The following CAST variants were observed in gnomAD, a reference collection of about 807,000 sequenced individuals.
CAST encodes the protein calpastatin.
CAST carries 76 observed loss-of-function variants against 119.6 expected under a neutral mutation model. The ratio of observed to expected loss-of-function variants is 0.64; its 90% CI spans 0.53 to 0.77. The LOEUF (loss-of-function observed/expected upper bound fraction) is 0.77, where lower values mean the gene tolerates loss of function less well. Among genes scored for constraint, CAST ranks in the 30% least tolerant of loss-of-function variants. CAST has a pLI of 0.00. For synonymous variants in CAST, 319 were observed against 331.6 expected, an observed-to-expected ratio of 0.96 and a Z score of 0.41; for missense variants, 953 against 946.5, an observed-to-expected ratio of 1.01 and a Z score of -0.09.
At chr5:96,387,022 C>A in the CAST span, among the ~76,000 whole-genome samples, 5 of 152,262 alleles carry the variant, frequency 3.3e-5, no homozygotes, top group Non-Finnish European at 5.9e-5. Flanking sequence ...TACTTCTCTG[C>A]ATTATCTTAT....
At chr5:96,570,713 T>G (rs1746553086) in intron 1 of CAST, among the ~76,000 whole-genome samples, 1 of 152,212 alleles carries the variant, frequency 6.6e-6, no homozygotes, top group Non-Finnish European at 1.5e-5. Flanking sequence ...TTAAATTAGT[T>G]TTTACTACTT....
At chr5:96,225,956 T>C in the CAST span, among the ~76,000 whole-genome samples, 1 of 152,264 alleles carries the variant, frequency 6.6e-6, no homozygotes, top group Non-Finnish European at 1.5e-5. Flanking sequence ...CACCAGTTAC[T>C]GCACTATGTA....
chr5:96,560,995 A>G (rs1020467977), intron 1 of CAST, among the ~76,000 whole-genome samples: 10 of 152,256 alleles, frequency 6.6e-5, no homozygotes, highest in Admixed American at 2.6e-4. Flanking sequence ...AATGTGGCAC[A>G]TATACACCAT....
the CAST span, chr5:96,210,029 A>G: frequency 4.7e-5 from 7 of 150,456 alleles, no homozygotes; most frequent in Non-Finnish European, 8.9e-5. Context: ...TTTCATTAAG[A>G]TATTGTCTTT....
chr5:96,344,555 G>A, the CAST span, among the ~76,000 whole-genome samples: 2 of 152,164 alleles, frequency 1.3e-5, no homozygotes, highest in African/African-American at 4.8e-5. Flanking sequence ...AGCAGGCTGA[G>A]TAAATATTCT....
chr5:96,727,463 TTTTC>T lies in CAST; in HGVS notation c.337-18_337-15del, dbSNP rs746884636. 2.4e-5 allele frequency: 33 copies of T among 1,381,762 alleles called. No homozygotes were observed. The South Asian group carries it at 2.5e-4, about 11-fold the overall frequency. The allele number at this position is 1,381,762 out of a possible 1,614,324, so 85.6% of individuals were successfully genotyped here. On this transcript the variant is annotated intron_variant, in intron 5 of 31. Coordinates refer to ENST00000675179, the MANE Select transcript of CAST (RefSeq NM_001750.7). ...CTATCTTTCTTTTCTTCCTTCCTTTTTTTCTTTCTTTTTTTCTGAACTTAGGCTG... is the reference window on the plus strand; with the variant it reads ...CTATCTTTCTTTTCTTCCTTCCTTTTTTTCTTTTTTTCTGAACTTAGGCTG...
At chr5:96,309,793 A>G in the CAST span, among the ~76,000 whole-genome samples, 1 of 152,168 alleles carries the variant, frequency 6.6e-6, no homozygotes, top group Non-Finnish European at 1.5e-5. Context: ...CCACTGTCCA[A>G]CCAGTCCCAT....
intron 24 of CAST, chr5:96,760,857 T>TAA (rs1469151414): frequency 6.6e-6 from 1 of 151,888 alleles, no homozygotes; most frequent in African/African-American, 2.4e-5. Context: ...GATACTTTTA[T>TAA]AACTCAATAA....
chr5:96,337,829 T>G, the CAST span, among the ~76,000 whole-genome samples: 1 of 152,234 alleles, frequency 6.6e-6, no homozygotes, highest in Admixed American at 6.5e-5. Flanking sequence ...CTCTCTTCAT[T>G]AGTTTACTGT....
At chr5:96,365,729 A>T in the CAST span, among the ~76,000 whole-genome samples, 1 of 152,162 alleles carries the variant, frequency 6.6e-6, no homozygotes, top group Non-Finnish European at 1.5e-5. Context: ...TCTGCACATG[A>T]GATGGGTCTC....
At chr5:96,765,975 G>C in intron 26 of CAST, 78 bp from the exon 27 acceptor site, 1 of 833,342 alleles carries the variant, frequency 1.2e-6, no homozygotes, top group Non-Finnish European at 2.0e-6. Context: ...AACAAATGCT[G>C]AATGCTGCAT....
At chr5:96,287,515 T>C in the CAST span, among the ~76,000 whole-genome samples, 1 of 152,088 alleles carries the variant, frequency 6.6e-6, no homozygotes, top group Non-Finnish European at 1.5e-5. Flanking sequence ...ATAAAGAAAA[T>C]GGTTGGGAAA....
chr5:96,026,924 A>G, the CAST span, among the ~76,000 whole-genome samples: 1 of 152,194 alleles, frequency 6.6e-6, no homozygotes, highest in Non-Finnish European at 1.5e-5. Flanking sequence ...ATTTGTATGC[A>G]TCTGCTGGGC....
At chr5:96,108,855 C>A in the CAST span, among the ~76,000 whole-genome samples, 1 of 152,242 alleles carries the variant, frequency 6.6e-6, no homozygotes. Flanking sequence ...ATCTCAGACT[C>A]CTGTGCTAGC....
At chr5:96,676,884 C>G (rs925749232) in intron 2 of CAST, among the ~76,000 whole-genome samples, 4 of 151,778 alleles carry the variant, frequency 2.6e-5, no homozygotes, top group Non-Finnish European at 4.4e-5. Flanking sequence ...GAAACCCCTT[C>G]TCTGCTAAAA....
At chr5:96,331,684 G>C in the CAST span, among the ~76,000 whole-genome samples, 1 of 152,176 alleles carries the variant, frequency 6.6e-6, no homozygotes, top group Non-Finnish European at 1.5e-5. Flanking sequence ...TCAAAGGTCA[G>C]AGTTTAAGGA....
intron 12 of CAST, 123 bp downstream of exon 12, chr5:96,740,241 T>C (rs949573964): frequency 4.9e-6 from 3 of 607,740 alleles, no homozygotes; most frequent in Admixed American, 6.6e-5. Flanking sequence ...TTGTCATTAC[T>C]ATGAAGCTCG....
the CAST span, among the ~76,000 whole-genome samples, chr5:96,061,083 T>G: frequency 6.6e-6 from 1 of 152,094 alleles, no homozygotes; most frequent in Admixed American, 6.6e-5. Flanking sequence ...CCTTAATTAC[T>G]TCCTTAGATG....
At chr5:96,452,956 CAAAAAAAA>C in the CAST span, among the ~76,000 whole-genome samples, 2 of 62,718 alleles carry the variant, frequency 3.2e-5, no homozygotes, top group South Asian at 1.3e-3. Flanking sequence ...GACTCCGTCT[CAAAAAAAA>C]AAAAAAAAAA....
Sources: allele counts gnomAD v4.1 joint callset (sites outside exome capture counted in the v4.1 genomes callset), GRCh38; gene constraint gnomAD v4.1.1; transcripts MANE v1.5; gene names NCBI Gene and HGNC (gene_info 2026-07-23, HGNC 2026-07-21).